The following SCLY variants were observed in gnomAD, a reference collection of about 807,000 sequenced individuals.
SCLY encodes putative selenocysteine lyase.
SCLY carries 38 observed loss-of-function variants against 50.1 expected under a neutral mutation model. The ratio of observed to expected loss-of-function variants is 0.76; its 90% CI spans 0.59 to 0.99. The LOEUF (loss-of-function observed/expected upper bound fraction) is 0.99. Ranked by LOEUF, SCLY falls within the 50% of genes least tolerant of loss-of-function variation. The pLI is 0.00. For missense variants in SCLY, 600 were observed against 620.0 expected (o/e 0.97, Z 0.34); for synonymous variants, 243 against 249.4 (o/e 0.97, Z 0.24).
rs1559254252 is a variant in SCLY, at chr2:238,098,559, G to GCATAGAACCGCCCA, written c.*209_*210insAACCGCCCACATAG. ...TCACAGGGCCCAGGACACCAACGCC[G>GCATAGAACCGCCCA]CATAGGACTGCCCACATGGGACCGC... On this transcript the variant is annotated 3_prime_UTR_variant, in exon 12 of 12. Coordinates refer to ENST00000254663, the MANE Select transcript of SCLY (RefSeq NM_016510.7). 4 of 412,890 alleles carry GCATAGAACCGCCCA rather than the reference G, an allele frequency of 9.7e-6. No individual in the cohort carries two copies. The African/African-American group carries it at 2.2e-4, about 22-fold the overall frequency. 25.6% of individuals were successfully genotyped at this position (412,890 alleles called of 1,614,324 possible). A position where few individuals can be genotyped will look rare whatever the true frequency, so the allele number is the denominator to read the frequency against.
chr2:238,061,195 G>A (rs1388570434), intron 1 of SCLY, 52 bp downstream of exon 1: 1 of 1,357,310 alleles, frequency 7.4e-7, no homozygotes, highest in Admixed American at 2.0e-5. Flanking sequence ...GTCGCCGATT[G>A]TCCCGCGCGG....
In SCLY at chr2:238,064,506, A is replaced by G. The variant is rs898261316; in HGVS notation, c.202+37A>G. On this transcript the variant is annotated intron_variant, in intron 2 of 11. Transcript: ENST00000254663. ...AGATGCACGTGTTCACTGATGGGAGATAATGGGGATGGGGCGCTCTTAGAG... is the reference window on the plus strand; with the variant it reads ...AGATGCACGTGTTCACTGATGGGAGGTAATGGGGATGGGGCGCTCTTAGAG... 20 of 1,449,270 alleles carry G rather than the reference A, an allele frequency of 1.4e-5. No individual in the cohort carries two copies. In the Middle Eastern group the frequency reaches 7.4e-4, roughly 53 times the overall value. The allele number at this position is 1,449,270 out of a possible 1,614,324, so 89.8% of individuals were successfully genotyped here. A position where few individuals can be genotyped will look rare whatever the true frequency, so the allele number is the denominator to read the frequency against.
intron 1 of SCLY, chr2:238,061,427 G>A (rs966639633): frequency 8.4e-6 from 5 of 594,086 alleles, no homozygotes; most frequent in Middle Eastern, 2.7e-4. Context: ...CTGCCAGGAA[G>A]AGGGCACAGC....
chr2:238,063,008 T>C (rs1241716304), intron 1 of SCLY, among the ~76,000 whole-genome samples: 1 of 152,200 alleles, frequency 6.6e-6, no homozygotes, highest in South Asian at 2.1e-4. Flanking sequence ...TGTCATCTTA[T>C]AAAAATCAGG....
intron 4 of SCLY, among the ~76,000 whole-genome samples, chr2:238,073,486 A>C (rs2065145219): frequency 6.6e-6 from 1 of 152,214 alleles, no homozygotes; most frequent in Admixed American, 6.5e-5. Flanking sequence ...ATCCATGAAC[A>C]TGTGATGTCT....
chr2:238,079,332 C>G (rs2065210603), intron 4 of SCLY: 1 of 152,274 alleles, frequency 6.6e-6, no homozygotes, highest in Non-Finnish European at 1.5e-5. Context: ...CTTGGCCTCC[C>G]AAAGTGCTTA....
At chr2:238,082,654 A>T (rs1280420128) in intron 6 of SCLY, 2 of 184,948 alleles carry the variant, frequency 1.1e-5, no homozygotes, top group East Asian at 1.3e-4. Flanking sequence ...GCTATCTTTA[A>T]GGTGGGAGTA....
intron 1 of SCLY, among the ~76,000 whole-genome samples, chr2:238,062,237 A>G (rs980279192): frequency 1.3e-5 from 2 of 152,174 alleles, no homozygotes; most frequent in African/African-American, 2.4e-5. Flanking sequence ...CTCAACAAAC[A>G]CTAGCTAGCC....
intron 4 of SCLY, among the ~76,000 whole-genome samples, chr2:238,076,681 T>G (rs1438416293): frequency 6.7e-6 from 1 of 149,812 alleles, no homozygotes; most frequent in African/African-American, 2.5e-5. Flanking sequence ...CAAATCCCCC[T>G]CGGTGAGAAA....
chr2:238,072,295 C>T (rs1322155538), intron 4 of SCLY, among the ~76,000 whole-genome samples: 1 of 152,144 alleles, frequency 6.6e-6, no homozygotes, highest in Non-Finnish European at 1.5e-5. Context: ...AGTTGATAGA[C>T]ATTTAGGTTG....
At position 238,066,256 on chromosome 2, in the gene SCLY, A is replaced by G. The variant is rs972393934; in HGVS notation, c.202+1787A>G. Among the ~76,000 whole-genome samples the G allele has an allele frequency of 2.6e-5, 4 of 152,256 alleles. No individual in the cohort carries two copies. Among genetic ancestry groups the G allele is most frequent in the African/African-American group, 9.6e-5 (4 of 41,464 alleles). On this transcript the variant is annotated intron_variant, in intron 2 of 11. Coordinates refer to ENST00000254663, the MANE Select transcript of SCLY (RefSeq NM_016510.7). The surrounding 1 kb of genome is among the most constrained non-coding windows in gnomAD (Gnocchi z 4.1). ...CATACCTCCCCGTCCAGCCCACTGC[A>G]GTCACATCATAGTGACGGAAGCCTC...
chr2:238,090,801 C>A (rs1037904411), intron 7 of SCLY, among the ~76,000 whole-genome samples: 7 of 151,296 alleles, frequency 4.6e-5, no homozygotes, highest in Admixed American at 4.6e-4. Flanking sequence ...TGCACACATA[C>A]ACACACACAC....
At position 238,098,581 on chromosome 2, in the gene SCLY, C is replaced by CGCCCACCTGGGAA; in HGVS notation, c.*226_*227insGCCCACCTGGGAA. 3.1e-6 allele frequency: 1 copy of CGCCCACCTGGGAA among 326,100 alleles called. No homozygotes were observed. Among genetic ancestry groups the CGCCCACCTGGGAA allele is most frequent in the Non-Finnish European group, 5.2e-6 (1 of 191,000 alleles). 20.2% of individuals were successfully genotyped at this position (326,100 alleles called of 1,614,324 possible). A position where few individuals can be genotyped will look rare whatever the true frequency, so the allele number is the denominator to read the frequency against. ...GCCGCATAGGACTGCCCACATGGGA[C>CGCCCACCTGGGAA]CGCCCACATAGGACCGCCCACATAG... is the stretch of plus-strand genomic sequence containing the variant. On this transcript the variant is annotated 3_prime_UTR_variant, in exon 12 of 12. Transcript: ENST00000254663.
In SCLY at chr2:238,098,910, T is replaced by C. The variant is rs1691375934; in HGVS notation, c.*555T>C. ...CTCTTCTCAGGCCCTTTTTAGTCCC[T>C]TTCCAAAGCTGCCCCCACCACCCTG... On this transcript the variant is annotated 3_prime_UTR_variant, in exon 12 of 12. Transcript: ENST00000254663. 1 of 218,518 alleles carries C rather than the reference T, an allele frequency of 4.6e-6. No homozygotes were observed. Among genetic ancestry groups the C allele is most frequent in the South Asian group, 8.6e-5 (1 of 11,620 alleles). 13.5% of individuals were successfully genotyped at this position (218,518 alleles called of 1,614,324 possible).
At chr2:238,061,313 G>C (rs1356453037) in intron 1 of SCLY, 170 bp downstream of exon 1, 1 of 716,044 alleles carries the variant, frequency 1.4e-6, no homozygotes, top group East Asian at 2.7e-5. Context: ...AAGGAGGAGC[G>C]GGTGCGAGCT....
chr2:238,068,201 G>C (rs776119217), intron 3 of SCLY, 36 bp downstream of exon 3: 2 of 1,351,612 alleles, frequency 1.5e-6, no homozygotes, highest in Admixed American at 2.1e-5. Context: ...TCTGTTAACT[G>C]TAAGTTATAA....
Position 238,067,078 on chromosome 2 carries a change from T to A in SCLY, c.203-987T>A, listed in dbSNP as rs185073380. Among the ~76,000 whole-genome samples, 611 of 152,126 alleles carry A rather than the reference T, an allele frequency of 4.0e-3. 4 individuals carry two copies. Among genetic ancestry groups the A allele is most frequent in the African/African-American group, 0.014 (564 of 41,490 alleles). On this transcript the variant is annotated intron_variant, in intron 2 of 11. Transcript: ENST00000254663. This position sits in a 1 kb window ranked among gnomAD's most constrained non-coding sequence, Gnocchi z 4.3. ...TGGGAGCTACAATTCAAGATGAGAT[T>A]TGGGTGGGGACACAGCCAAACCATT...
At chr2:238,086,337 TATTTA>T (rs1415253190) in intron 7 of SCLY, among the ~76,000 whole-genome samples, 1 of 152,214 alleles carries the variant, frequency 6.6e-6, no homozygotes, top group Non-Finnish European at 1.5e-5. Flanking sequence ...ATAAAGGACA[TATTTA>T]AGATAATTAT....
At chr2:238,073,346 G>A (rs2065144135) in intron 4 of SCLY, among the ~76,000 whole-genome samples, 1 of 152,114 alleles carries the variant, frequency 6.6e-6, no homozygotes, top group Non-Finnish European at 1.5e-5. Flanking sequence ...TGCATCTGTT[G>A]ACATCTCAAA....
Sources: allele counts gnomAD v4.1 joint callset (sites outside exome capture counted in the v4.1 genomes callset), GRCh38; gene constraint gnomAD v4.1.1; non-coding constraint Gnocchi (gnomAD v3.1); transcripts MANE v1.5; gene names NCBI Gene and HGNC (gene_info 2026-07-23, HGNC 2026-07-21).